The following PLK3 variants were observed in gnomAD, a reference collection of about 807,000 sequenced individuals.
PLK3 encodes the protein polo like kinase 3.
PLK3 carries 41 observed loss-of-function variants against 71.6 expected under a neutral mutation model. The ratio of observed to expected loss-of-function variants is 0.57; its 90% CI spans 0.45 to 0.74. PLK3 has a LOEUF of 0.74. Among genes scored for constraint, PLK3 ranks in the 30% least tolerant of loss-of-function variants. The pLI is 0.00. For synonymous variants in PLK3, 366 were observed against 355.4 expected (o/e 1.03, Z -0.33); for missense variants, 791 against 875.6 (o/e 0.90, Z 1.22).
Position 44,803,798 on chromosome 1 carries a change from T to C in PLK3, c.1164+107T>C. The C allele has an allele frequency of 8.8e-7, 1 of 1,136,218 alleles. No individual in the cohort carries two copies. Among genetic ancestry groups the C allele is most frequent in the Non-Finnish European group, 1.3e-6 (1 of 770,020 alleles). The allele number at this position is 1,136,218 out of a possible 1,614,324, so 70.4% of individuals were successfully genotyped here. On this transcript the variant is annotated intron_variant, in intron 9 of 14. Transcript: ENST00000372201. The surrounding 1 kb of genome is among the most constrained non-coding windows in gnomAD (Gnocchi z 4.3). ...TGAAGCATCCAGCCTCGTGGTGGCC[T>C]AATTGGCTGTGTGTCACCAGCCTGG...
chr1:44,804,292 G>A, intron 11 of PLK3, 46 bp downstream of exon 11: 1 of 1,613,638 alleles, frequency 6.2e-7, no homozygotes, highest in Non-Finnish European at 8.5e-7. Flanking sequence ...GAGTTCTGTG[G>A]CTGGGAGGCC....
Position 44,804,946 on chromosome 1 carries a change from A to C in PLK3, c.1635+167A>C, listed in dbSNP as rs890958823. 5 of 658,392 alleles carry C rather than the reference A, an allele frequency of 7.6e-6. No homozygotes were observed. In the African/African-American group the frequency reaches 9.1e-5, roughly 12 times the overall value. 40.8% of individuals were successfully genotyped at this position (658,392 alleles called of 1,614,324 possible). A position where few individuals can be genotyped will look rare whatever the true frequency, so the allele number is the denominator to read the frequency against. ...AGGTGAAACCCCGTCTCTACTAAAA[A>C]TACAACAAATTAGCCGGGCGTGGTG... On this transcript the variant is annotated intron_variant, in intron 13 of 14. Coordinates refer to ENST00000372201, the MANE Select transcript of PLK3 (RefSeq NM_004073.4).
chr1:44,801,582 G>C, intron 3 of PLK3, 40 bp from the exon 4 acceptor site: 1 of 1,602,664 alleles, frequency 6.2e-7, no homozygotes, highest in South Asian at 1.1e-5. Flanking sequence ...GGGAGGGGGA[G>C]GGAGGGCTCA....
At position 44,801,690 on chromosome 1, in the gene PLK3, G is replaced by T; in HGVS notation, c.504G>T (p.Gln168His). Residue 168 changes from glutamine (Q) to histidine (H), a missense_variant, in exon 4 of 15, where the codon CAG (glutamine) becomes CAT (histidine). By Grantham distance (24) the Gln-to-His change is conservative (BLOSUM62 0). Coordinates refer to ENST00000372201, the MANE Select transcript of PLK3 (RefSeq NM_004073.4). ...CAGAAGTGCGCTACTACCTGCGGCA[G>T]ATCCTTTCTGGCCTCAAGTACTTGC... ...LEPEVRYYLR[Q>H]ILSGLKYLHQ... 6.2e-7 allele frequency: 1 copy of T among 1,611,048 alleles called. No individual in the cohort carries two copies. The highest frequency in any genetic ancestry group is 8.5e-7 in the Non-Finnish European group (1 of 1,178,612).
Position 44,805,795 on chromosome 1 carries a change from C to A in PLK3, c.*117C>A. 1 of 1,316,722 alleles carries A rather than the reference C, an allele frequency of 7.6e-7. No individual in the cohort carries two copies. The highest frequency in any genetic ancestry group is 1.0e-6 in the Non-Finnish European group (1 of 975,698). The allele number at this position is 1,316,722 out of a possible 1,614,324, so 81.6% of individuals were successfully genotyped here. The stretch of plus-strand genomic sequence containing the variant: ...CTTTGGGCCGAATCCCCCAGGGAAT[C>A]AGGGACCAGCTTTACTGGAGTTGGG... On this transcript the variant is annotated 3_prime_UTR_variant, in exon 15 of 15. Coordinates refer to ENST00000372201, the MANE Select transcript of PLK3 (RefSeq NM_004073.4).
At chr1:44,802,654 C>G in intron 5 of PLK3, 106 bp from the exon 6 acceptor site, 1 of 804,560 alleles carries the variant, frequency 1.2e-6, no homozygotes, top group Non-Finnish European at 2.1e-6. Context: ...GTTCTCTGGC[C>G]TTTGGTGACA....
chr1:44,800,538 G>T lies in PLK3; in HGVS notation c.75G>T (p.Gly25=), dbSNP rs1651791591. 1 of 1,482,676 alleles carries T rather than the reference G, an allele frequency of 6.7e-7. No individual in the cohort carries two copies. Among genetic ancestry groups the T allele is most frequent in the Non-Finnish European group, 8.9e-7 (1 of 1,124,868 alleles). 91.8% of individuals were successfully genotyped at this position (1,482,676 alleles called of 1,614,324 possible). The change falls in exon 1 of 15, where the codon GGG becomes GGT. Residue 25 remains glycine (G), a synonymous_variant. Transcript: ENST00000372201. This position sits in a 1 kb window ranked among gnomAD's most constrained non-coding sequence, Gnocchi z 6.5. ...CCGCCGCGCCCGCTCCCCCGGCCGG[G>T]CCCGGGCCGCCTCCGAGTGCCTTGC... The part of the protein sequence containing the change: ...RAAAAPAPPA[G]PGPPPSALRG...
chr1:44,804,896 G>A, intron 13 of PLK3, 117 bp downstream of exon 13: 1 of 930,366 alleles, frequency 1.1e-6, no homozygotes, highest in African/African-American at 1.6e-5. Context: ...ATGAGGTCAG[G>A]AGATCGAGAC....
chr1:44,804,655 T>C lies in PLK3; in HGVS notation c.1511T>C (p.Val504Ala), dbSNP rs745487867. Residue 504 changes from valine (V) to alanine (A), a missense_variant, in exon 13 of 15, where the codon GTG becomes GCG. Physicochemically the swap from Val to Ala is moderately conservative, Grantham distance 64. Transcript: ENST00000372201. ...CCTCTGCCTCCCCATTCTAGGACTG[T>C]GCACTACAATCCCACCAGCACAAAG... ...HMALSANRKTVHYNPTSTKHF... is the reference protein window; with the variant it reads ...HMALSANRKTAHYNPTSTKHF... 5 of 1,613,792 alleles carry C rather than the reference T, an allele frequency of 3.1e-6. No homozygotes were observed. The highest frequency in any genetic ancestry group is 1.3e-5 in the African/African-American group (1 of 74,916).
At position 44,803,713 on chromosome 1, in the gene PLK3, T is replaced by A; in HGVS notation, c.1164+22T>A. The A allele has an allele frequency of 1.3e-6, 2 of 1,568,484 alleles. No homozygotes were observed. Among genetic ancestry groups the A allele is most frequent in the Non-Finnish European group, 1.7e-6 (2 of 1,143,184 alleles). On this transcript the variant is annotated intron_variant, in intron 9 of 14. Coordinates refer to ENST00000372201, the MANE Select transcript of PLK3 (RefSeq NM_004073.4). The surrounding 1 kb of genome is among the most constrained non-coding windows in gnomAD (Gnocchi z 4.3). ...AGAGGTGAGGCGCTCAGGTGGACACTGTTCCCCTGACTCACCCCCACCCTA... is the reference window on the plus strand; with the variant it reads ...AGAGGTGAGGCGCTCAGGTGGACACAGTTCCCCTGACTCACCCCCACCCTA...
rs11211036 is a variant in PLK3 at position 44,804,352 on chromosome 1, G to C, written c.1356G>C (p.Pro452=). 291,167 of 1,613,742 alleles carry C rather than the reference G, an allele frequency of 0.18. 26,771 individuals carry two copies. Among genetic ancestry groups the C allele is most frequent in the East Asian group, 0.26 (11,533 of 44,870 alleles). ...IAFMPPAEQN[P]APLAQPEPLV... ...CTCCCATGACAGCGGAACAGAACCC[G>C]GCCCCCCTGGCCCAGCCAGAGCCTC... Residue 452 remains proline (P), a synonymous_variant, in exon 12 of 15, where the codon CCG becomes CCC. Transcript: ENST00000372201.
chr1:44,800,555 G>C lies in PLK3; in HGVS notation c.92G>C (p.Ser31Thr). 2 of 1,497,742 alleles carry C rather than the reference G, an allele frequency of 1.3e-6. No homozygotes were observed. The highest frequency in any genetic ancestry group is 2.5e-5 in the South Asian group (2 of 79,944). 92.8% of individuals were successfully genotyped at this position (1,497,742 alleles called of 1,614,324 possible). A position where few individuals can be genotyped will look rare whatever the true frequency, so the allele number is the denominator to read the frequency against. ...APPAGPGPPPSALRGPELEML... is the reference protein window; with the variant it reads ...APPAGPGPPPTALRGPELEML... ...CCGGCCGGGCCCGGGCCGCCTCCGA[G>C]TGCCTTGCGCGGACCTGAGCTGGAG... The change falls in exon 1 of 15, where the codon AGT becomes ACT. Residue 31 changes from serine to threonine, a missense_variant. Coordinates refer to ENST00000372201, the MANE Select transcript of PLK3 (RefSeq NM_004073.4). The surrounding 1 kb of genome is among the most constrained non-coding windows in gnomAD (Gnocchi z 6.5).
chr1:44,800,422 C>A lies in PLK3; in HGVS notation c.-42C>A, dbSNP rs1158208922. On this transcript the variant is annotated 5_prime_UTR_variant, in exon 1 of 15. Coordinates refer to ENST00000372201, the MANE Select transcript of PLK3 (RefSeq NM_004073.4). This position sits in a 1 kb window ranked among gnomAD's most constrained non-coding sequence, Gnocchi z 6.5. The stretch of plus-strand genomic sequence containing the variant: ...AGCGCCACGCGCGGCCGGGGCCGGG[C>A]GGAACCGAGAAGCCGGGACCGCGCT... 7.8e-7 allele frequency: 1 copy of A among 1,288,056 alleles called. No homozygotes were observed. Among genetic ancestry groups the A allele is most frequent in the Non-Finnish European group, 9.8e-7 (1 of 1,021,808 alleles). The allele number at this position is 1,288,056 out of a possible 1,614,324, so 79.8% of individuals were successfully genotyped here. A position where few individuals can be genotyped will look rare whatever the true frequency, so the allele number is the denominator to read the frequency against.
In PLK3 at chr1:44,805,867, G is replaced by C. The variant is rs1206099194; in HGVS notation, c.*189G>C. The C allele has an allele frequency of 1.4e-6, 2 of 1,409,062 alleles. No homozygotes were observed. Among genetic ancestry groups the C allele is most frequent in the Non-Finnish European group, 1.9e-6 (2 of 1,061,000 alleles). 87.3% of individuals were successfully genotyped at this position (1,409,062 alleles called of 1,614,324 possible). A position where few individuals can be genotyped will look rare whatever the true frequency, so the allele number is the denominator to read the frequency against. On this transcript the variant is annotated 3_prime_UTR_variant, in exon 15 of 15. Coordinates refer to ENST00000372201, the MANE Select transcript of PLK3 (RefSeq NM_004073.4). Reference sequence around the variant, plus strand: ...CCTACCCCATCTCCAAGATAAGCCTGAGCCTTAGCTCCCAGCTAGGGGGCG... The same window carrying C: ...CCTACCCCATCTCCAAGATAAGCCTCAGCCTTAGCTCCCAGCTAGGGGGCG...
intron 5 of PLK3, 98 bp downstream of exon 5, chr1:44,802,030 G>GCACA: frequency 1.1e-6 from 1 of 890,308 alleles, no homozygotes; most frequent in Admixed American, 2.3e-5. Context: ...CCTGATGTGT[G>GCACA]CATGAGATAA....
chr1:44,802,380 GT>G (rs763456209), intron 5 of PLK3, among the ~76,000 whole-genome samples: 35 of 152,128 alleles, frequency 2.3e-4, no homozygotes, highest in Non-Finnish European at 3.7e-4. Context: ...GCAGATGAGT[GT>G]TTATGGGGGT....
Position 44,803,805 on chromosome 1 carries a change from C to T in PLK3, c.1164+114C>T. 1.8e-6 allele frequency: 2 copies of T among 1,121,126 alleles called. No individual in the cohort carries two copies. Among genetic ancestry groups the T allele is most frequent in the Non-Finnish European group, 2.6e-6 (2 of 756,852 alleles). The allele number at this position is 1,121,126 out of a possible 1,614,324, so 69.4% of individuals were successfully genotyped here. On this transcript the variant is annotated intron_variant, in intron 9 of 14. Transcript: ENST00000372201. This position sits in a 1 kb window ranked among gnomAD's most constrained non-coding sequence, Gnocchi z 4.3. ...TCCAGCCTCGTGGTGGCCTAATTGG[C>T]TGTGTGTCACCAGCCTGGCGGGGCT...
intron 5 of PLK3, among the ~76,000 whole-genome samples, chr1:44,802,530 G>A (rs1209298641): frequency 2.6e-5 from 4 of 152,138 alleles, no homozygotes; most frequent in African/African-American, 9.7e-5. Flanking sequence ...GAGAGGACTG[G>A]GCTGGGGGTC....
At position 44,804,322 on chromosome 1, in the gene PLK3, C is replaced by T; in HGVS notation, c.1343-17C>T. ...GAGGCCAGGAGCAGGTGCTGACTCC[C>T]TCCTCTCCCATGACAGCGGAACAGA... is the stretch of plus-strand genomic sequence containing the variant. On this transcript the variant is annotated splice_polypyrimidine_tract_variant and intron_variant, in intron 11 of 14. Coordinates refer to ENST00000372201, the MANE Select transcript of PLK3 (RefSeq NM_004073.4). 5.6e-6 allele frequency: 9 copies of T among 1,614,016 alleles called. No homozygotes were observed. Among genetic ancestry groups the T allele is most frequent in the Non-Finnish European group, 6.8e-6 (8 of 1,179,922 alleles).
Sources: gnomAD v4.1 joint callset for allele counts (sites outside exome capture counted in the v4.1 genomes callset) on GRCh38, gnomAD v4.1.1 for gene constraint, Gnocchi (gnomAD v3.1) non-coding constraint, MANE v1.5 for transcripts, NCBI Gene and HGNC (gene_info 2026-07-23, HGNC 2026-07-21) for gene names.